UPF2: variants seen among roughly 807,000 people sequenced by gnomAD.
UPF2 encodes the protein UPF2 regulator of nonsense mediated mRNA decay.
A neutral mutation model predicts 141.4 loss-of-function variants in UPF2; 17 were observed. The ratio of observed to expected loss-of-function variants is 0.12; its 90% CI spans 0.08 to 0.18. The LOEUF is 0.18. UPF2 is among the 10% of genes least tolerant of loss of function. UPF2 has a pLI of 1.00. For missense variants in UPF2, 1,152 were observed against 1,515.9 expected, an observed-to-expected ratio of 0.76 and a Z score of 3.99; for synonymous variants, 540 against 498.0, an observed-to-expected ratio of 1.08 and a Z score of -1.12.
At chr10:11,938,256 G>T (rs985414083) in intron 18 of UPF2, among the ~76,000 whole-genome samples, 11 of 151,984 alleles carry the variant, frequency 7.2e-5, no homozygotes, top group African/African-American at 2.7e-4. Context: ...AGTATATACA[G>T]AGCTAATTAC....
At chr10:11,985,884 C>CTTTTTTTTTTTTTTTTTTTTTTTTTTTT (rs746117868) in intron 8 of UPF2, among the ~76,000 whole-genome samples, 1 of 100,752 alleles carries the variant, frequency 9.9e-6, no homozygotes, top group Non-Finnish European at 1.8e-5. Flanking sequence ...TAGATCCTTC[C>CTTTTTTTTTTTTTTTTTTTTTTTTTTTT]TTTTTTTTTT....
intron 9 of UPF2, among the ~76,000 whole-genome samples, chr10:11,973,859 G>A (rs1014712272): frequency 6.6e-6 from 1 of 152,102 alleles, no homozygotes; most frequent in African/African-American, 2.4e-5. Context: ...GATTGTCTTG[G>A]CAATGCGGGC....
intron 16 of UPF2, among the ~76,000 whole-genome samples, chr10:11,944,489 AT>A: frequency 6.6e-6 from 1 of 152,122 alleles, no homozygotes; most frequent in East Asian, 1.9e-4. Context: ...GCGAGACTCC[AT>A]CCCCCACCAA....
chr10:12,031,597 G>A (rs544112386), intron 2 of UPF2, among the ~76,000 whole-genome samples: 2 of 152,064 alleles, frequency 1.3e-5, no homozygotes, highest in African/African-American at 4.8e-5. Context: ...AACATAGTAA[G>A]ACCCAATCTC....
In UPF2 at chr10:12,019,871, C is replaced by T. The variant is rs1454314613; in HGVS notation, c.1146-5687G>A. On this transcript the variant is annotated intron_variant, in intron 3 of 21. Coordinates refer to ENST00000357604, the MANE Select transcript of UPF2 (RefSeq NM_015542.4). The surrounding 1 kb of genome is among the most constrained non-coding windows in gnomAD (Gnocchi z 4.5). ...TCCCACATAGCTGGGATTACAGGAG[C>T]CTGCCACCACACCCGGCTAATTTTT... Among the ~76,000 whole-genome samples, 1 of 151,936 alleles carries T rather than the reference C, an allele frequency of 6.6e-6. No individual in the cohort carries two copies. Among genetic ancestry groups the T allele is most frequent in the Non-Finnish European group, 1.5e-5 (1 of 67,974 alleles).
intron 4 of UPF2, among the ~76,000 whole-genome samples, chr10:12,009,389 TTAAAA>T (rs1834090990): frequency 6.6e-6 from 1 of 152,160 alleles, no homozygotes; most frequent in Admixed American, 6.6e-5. Context: ...CACTAATGTA[TTAAAA>T]TGAAAAAAAT....
intron 17 of UPF2, 125 bp from the exon 18 acceptor site, chr10:11,942,888 A>G: frequency 1.1e-6 from 1 of 915,216 alleles, no homozygotes; most frequent in South Asian, 1.5e-5. Context: ...AAAATATCTA[A>G]CATTATTCAA....
intron 21 of UPF2, among the ~76,000 whole-genome samples, chr10:11,922,446 C>G (rs1028339644): frequency 1.3e-5 from 2 of 152,164 alleles, no homozygotes; most frequent in African/African-American, 4.8e-5. Flanking sequence ...CACAAGTATT[C>G]CCTGAGGGAA....
At position 11,956,916 on chromosome 10, in the gene UPF2, G is replaced by A. The variant is rs989683741; in HGVS notation, c.2371-393C>T. Among the ~76,000 whole-genome samples the A allele has an allele frequency of 2.0e-5, 3 of 152,172 alleles. No individual in the cohort carries two copies. Among genetic ancestry groups the A allele is most frequent in the Non-Finnish European group, 4.4e-5 (3 of 68,002 alleles). ...ACTCACTGCAACCTCCTCCTCCATG[G>A]CTCAAGCAATCCTCCCACCTCAGTC... On this transcript the variant is annotated intron_variant, in intron 12 of 21. Transcript: ENST00000357604. The surrounding 1 kb of genome is among the most constrained non-coding windows in gnomAD (Gnocchi z 4.2).
chr10:11,969,503 C>A (rs1007062952), intron 9 of UPF2, among the ~76,000 whole-genome samples: 1 of 151,916 alleles, frequency 6.6e-6, no homozygotes, highest in Non-Finnish European at 1.5e-5. Flanking sequence ...TTTAAGCATA[C>A]AAAATAGTTT....
At chr10:11,962,142 C>T (rs1475663288) in intron 11 of UPF2, among the ~76,000 whole-genome samples, 1 of 152,184 alleles carries the variant, frequency 6.6e-6, no homozygotes, top group Non-Finnish European at 1.5e-5. Flanking sequence ...CTCAATTAGT[C>T]TCAACCTGTT....
rs1169997633 is a variant in UPF2 at position 11,979,341 on chromosome 10, T to C, written c.1845-176A>G. Among the ~76,000 whole-genome samples the C allele has an allele frequency of 6.6e-6, 1 of 152,256 alleles. No homozygotes were observed. The highest frequency in any genetic ancestry group is 2.4e-5 in the African/African-American group (1 of 41,458). ...GTGTTTGAAAATTCAATGAGCCTTC[T>C]ACAATTTTATTAATATTCTGGCATT... On this transcript the variant is annotated intron_variant, in intron 8 of 21. Coordinates refer to ENST00000357604, the MANE Select transcript of UPF2 (RefSeq NM_015542.4). The surrounding 1 kb of genome is among the most constrained non-coding windows in gnomAD (Gnocchi z 6.2).
upstream of UPF2, chr10:12,043,003 G>A (rs1280135774): frequency 6.6e-6 from 1 of 152,326 alleles, no homozygotes; most frequent in Admixed American, 6.5e-5. Context: ...AAACAGTCCT[G>A]ATCGTCTTCC....
At chr10:11,990,631 G>A (rs1442545944) in intron 8 of UPF2, among the ~76,000 whole-genome samples, 42 of 144,770 alleles carry the variant, frequency 2.9e-4, no homozygotes, top group African/African-American at 1.1e-3. Flanking sequence ...AGTGAGCCGA[G>A]ATCATGCCAC....
At chr10:11,962,328 C>A (rs184256882) in intron 11 of UPF2, among the ~76,000 whole-genome samples, 1 of 152,154 alleles carries the variant, frequency 6.6e-6, no homozygotes, top group Non-Finnish European at 1.5e-5. Context: ...GTGCTTCAAA[C>A]CAAACTCATC....
intron 8 of UPF2, among the ~76,000 whole-genome samples, chr10:11,985,621 CAAAA>C (rs1254604523): frequency 6.0e-5 from 5 of 82,800 alleles, no homozygotes; most frequent in East Asian, 2.9e-4. Flanking sequence ...AGTCCGTCTC[CAAAA>C]AAAAAAAAAA....
intron 9 of UPF2, among the ~76,000 whole-genome samples, chr10:11,971,746 A>G (rs544088049): frequency 4.6e-5 from 7 of 152,314 alleles, no homozygotes; most frequent in African/African-American, 1.7e-4. Context: ...GATTAATTGA[A>G]TAACAAAGTT....
chr10:12,010,727 A>G (rs975358226), intron 4 of UPF2, among the ~76,000 whole-genome samples: 3 of 152,174 alleles, frequency 2.0e-5, no homozygotes, highest in Non-Finnish European at 4.4e-5. Flanking sequence ...CCACAGATCT[A>G]AGAAGTTCAA....
chr10:11,999,758 C>A (rs996313205), intron 7 of UPF2, 148 bp downstream of exon 7: 3 of 657,138 alleles, frequency 4.6e-6, no homozygotes, highest in Admixed American at 2.8e-5. Flanking sequence ...CCAATTTTGT[C>A]TGCTTATGCT....
Sources: allele counts gnomAD v4.1 joint callset (sites outside exome capture counted in the v4.1 genomes callset), GRCh38; gene constraint gnomAD v4.1.1; non-coding constraint Gnocchi (gnomAD v3.1); transcripts MANE v1.5; gene names NCBI Gene and HGNC (gene_info 2026-07-23, HGNC 2026-07-21).